GBE1: variants seen among roughly 807,000 people sequenced by gnomAD.
GBE1 encodes the protein 1,4-alpha-glucan-branching enzyme.
GBE1 carries 70 observed loss-of-function variants against 88.8 expected under a neutral mutation model. The ratio of observed to expected loss-of-function variants is 0.79; its 90% CI spans 0.65 to 0.96. GBE1 has a LOEUF of 0.96. GBE1 is among the 40% of genes least tolerant of loss of function. The pLI is 0.00. For synonymous variants in GBE1, 284 were observed against 300.1 expected (o/e 0.95, Z 0.56); for missense variants, 872 against 871.0 (o/e 1.00, Z -0.01).
chr3:81,549,335 C>T (rs532309284), intron 12 of GBE1, among the ~76,000 whole-genome samples: 1 of 151,486 alleles, frequency 6.6e-6, no homozygotes, highest in East Asian at 1.9e-4. Context: ...GCTGGGTATT[C>T]TTAATTTATG....
At chr3:81,689,228 A>C (rs371449898) in intron 2 of GBE1, among the ~76,000 whole-genome samples, 2 of 152,216 alleles carry the variant, frequency 1.3e-5, no homozygotes, top group East Asian at 1.9e-4. Context: ...ATAAACTCTC[A>C]GGTTAAACTT....
intron 15 of GBE1, among the ~76,000 whole-genome samples, chr3:81,491,974 T>C (rs1702442132): frequency 1.3e-5 from 2 of 152,222 alleles, no homozygotes. Flanking sequence ...AGTTTTAAAA[T>C]GGTGGCACTT....
At chr3:81,634,308 C>A (rs975633232) in intron 7 of GBE1, among the ~76,000 whole-genome samples, 2 of 152,174 alleles carry the variant, frequency 1.3e-5, no homozygotes, top group African/African-American at 2.4e-5. Flanking sequence ...ATTATGAGTT[C>A]TTTATACATG....
intron 2 of GBE1, among the ~76,000 whole-genome samples, chr3:81,672,213 G>A (rs926134605): frequency 6.6e-6 from 1 of 151,996 alleles, no homozygotes; most frequent in Non-Finnish European, 1.5e-5. Context: ...TATCATATGT[G>A]ATGCGAAATT....
chr3:81,517,207 C>T (rs1456369112), intron 14 of GBE1, among the ~76,000 whole-genome samples: 2 of 151,368 alleles, frequency 1.3e-5, no homozygotes, highest in Non-Finnish European at 3.0e-5. Flanking sequence ...GAAACCCCAC[C>T]CTGATCAGTC....
chr3:81,680,097 G>GT (rs2107128604), intron 2 of GBE1, among the ~76,000 whole-genome samples: 2 of 152,258 alleles, frequency 1.3e-5, no homozygotes, highest in Admixed American at 1.3e-4. Flanking sequence ...TTGAAAATAT[G>GT]TAATTTCATT....
chr3:81,663,020 G>A (rs1705052000), intron 3 of GBE1, among the ~76,000 whole-genome samples: 1 of 152,164 alleles, frequency 6.6e-6, no homozygotes, highest in South Asian at 2.1e-4. Flanking sequence ...TATCTACATA[G>A]TCACAAAGAG....
intron 3 of GBE1, among the ~76,000 whole-genome samples, chr3:81,663,307 G>A (rs1249520243): frequency 1.3e-5 from 2 of 152,196 alleles, no homozygotes; most frequent in East Asian, 1.9e-4. Context: ...GTGGCCAGAC[G>A]TCGAGAGGAC....
At chr3:81,544,875 A>G (rs1703185312) in intron 12 of GBE1, among the ~76,000 whole-genome samples, 1 of 152,200 alleles carries the variant, frequency 6.6e-6, no homozygotes, top group Non-Finnish European at 1.5e-5. Flanking sequence ...TGTTGGCTGA[A>G]CATTTTGATT....
intron 12 of GBE1, among the ~76,000 whole-genome samples, chr3:81,537,507 AT>A (rs1167904076): frequency 6.6e-6 from 1 of 151,978 alleles, no homozygotes; most frequent in Non-Finnish European, 1.5e-5. Flanking sequence ...TATGTAGGTT[AT>A]TTTTTGATCC....
At chr3:81,501,533 C>T (rs902139153) in intron 14 of GBE1, among the ~76,000 whole-genome samples, 2 of 152,048 alleles carry the variant, frequency 1.3e-5, no homozygotes, top group Admixed American at 1.3e-4. Context: ...CGTTCCTAAC[C>T]AAATTCAACT....
At chr3:81,545,480 A>T (rs1212734391) in intron 12 of GBE1, among the ~76,000 whole-genome samples, 1 of 152,194 alleles carries the variant, frequency 6.6e-6, no homozygotes, top group Non-Finnish European at 1.5e-5. Flanking sequence ...GAGAGAAAGG[A>T]TGACATGCTA....
intron 1 of GBE1, among the ~76,000 whole-genome samples, chr3:81,742,535 C>T (rs1706363160): frequency 6.6e-6 from 1 of 152,042 alleles, no homozygotes; most frequent in Admixed American, 6.6e-5. Flanking sequence ...GGCATAGGCG[C>T]CCCATCATTT....
At chr3:81,616,503 C>T (rs1429377776) in intron 7 of GBE1, among the ~76,000 whole-genome samples, 1 of 152,048 alleles carries the variant, frequency 6.6e-6, no homozygotes, top group Non-Finnish European at 1.5e-5. Flanking sequence ...AAAAATTAGT[C>T]GTGCATATTT....
chr3:81,561,697 C>T (rs1184951478), intron 12 of GBE1, among the ~76,000 whole-genome samples: 1 of 151,998 alleles, frequency 6.6e-6, no homozygotes, highest in African/African-American at 2.4e-5. Flanking sequence ...AATCAAGTAA[C>T]ATATCTAAAC....
chr3:81,674,235 T>C (rs1705224550), intron 2 of GBE1, among the ~76,000 whole-genome samples: 1 of 151,884 alleles, frequency 6.6e-6, no homozygotes, highest in African/African-American at 2.4e-5. Context: ...TCTACCACAC[T>C]ACATCACACA....
At chr3:81,498,576 T>C (rs1702545228) in intron 15 of GBE1, among the ~76,000 whole-genome samples, 1 of 152,212 alleles carries the variant, frequency 6.6e-6, no homozygotes, top group Admixed American at 6.5e-5. Flanking sequence ...TTATGTCATA[T>C]AATGCTTCAT....
At chr3:81,522,293 A>G (rs1312242390) in intron 14 of GBE1, among the ~76,000 whole-genome samples, 1 of 151,594 alleles carries the variant, frequency 6.6e-6, no homozygotes, top group Admixed American at 6.6e-5. Flanking sequence ...ATTTATTAAA[A>G]AACAATACTG....
chr3:81,505,227 G>A (rs886758766), intron 14 of GBE1, among the ~76,000 whole-genome samples: 1 of 152,170 alleles, frequency 6.6e-6, no homozygotes, highest in Admixed American at 6.5e-5. Context: ...ATATTACCAT[G>A]ATTAAAATAA....
Sources: allele counts gnomAD v4.1 joint callset (sites outside exome capture counted in the v4.1 genomes callset), GRCh38; gene constraint gnomAD v4.1.1; transcripts MANE v1.5; gene names NCBI Gene and HGNC (gene_info 2026-07-23, HGNC 2026-07-21).